Variants in ZFAT observed in about 807,000 individuals in gnomAD.
ZFAT encodes zinc finger and AT-hook domain containing.
ZFAT carries 64 observed loss-of-function variants against 117.7 expected under a neutral mutation model. That is an observed-to-expected ratio of 0.54 (90% CI 0.44 to 0.67). The LOEUF is 0.67. Ranked by LOEUF, ZFAT falls within the 30% of genes least tolerant of loss-of-function variation. The pLI is 0.00. For missense variants in ZFAT, 1,433 were observed against 1,584.5 expected, an observed-to-expected ratio of 0.90 and a Z score of 1.62; for synonymous variants, 679 against 615.0, an observed-to-expected ratio of 1.10 and a Z score of -1.54.
intron 10 of ZFAT, 22 bp from the exon 11 acceptor site, chr8:134,565,443 G>C (rs1195682739): frequency 6.2e-7 from 1 of 1,609,474 alleles, no homozygotes; most frequent in Non-Finnish European, 8.5e-7. Context: ...CGGAGGACAA[G>C]ATGAGCGTCG....
intron 3 of ZFAT, among the ~76,000 whole-genome samples, chr8:134,624,773 C>T (rs1563691367): frequency 1.3e-5 from 2 of 152,092 alleles, no homozygotes; most frequent in Non-Finnish European, 2.9e-5. Flanking sequence ...ACATGTAACT[C>T]GTAATTCAAA....
intron 1 of ZFAT, among the ~76,000 whole-genome samples, chr8:134,692,805 G>C (rs577421517): frequency 6.6e-6 from 1 of 152,212 alleles, no homozygotes; most frequent in Non-Finnish European, 1.5e-5. Context: ...TAGGTAGCAG[G>C]CTTCTTTTTC....
intron 15 of ZFAT, among the ~76,000 whole-genome samples, chr8:134,500,057 C>A (rs1818855602): frequency 6.6e-6 from 1 of 152,208 alleles, no homozygotes; most frequent in Admixed American, 6.5e-5. Flanking sequence ...CCGCAGCGCT[C>A]TCCTCCATAT....
chr8:134,565,446 G>A (rs760313985), intron 10 of ZFAT, 25 bp from the exon 11 acceptor site: 3 of 1,608,356 alleles, frequency 1.9e-6, no homozygotes, highest in Non-Finnish European at 2.5e-6. Flanking sequence ...AGGACAAGAT[G>A]AGCGTCGCCA....
intron 11 of ZFAT, among the ~76,000 whole-genome samples, chr8:134,538,790 C>G (rs113928546): frequency 0.15 from 19,652 of 130,018 alleles, 1,714 homozygotes; most frequent in Admixed American, 0.25. Context: ...AAGTGAGACC[C>G]TGTCACAAAA....
the ZFAT span, among the ~76,000 whole-genome samples, chr8:134,816,722 C>A: frequency 1.5e-4 from 23 of 152,206 alleles, no homozygotes; most frequent in African/African-American, 5.3e-4. Context: ...CGGTGGCTCA[C>A]GCCTGTAATC....
intron 4 of ZFAT, 61 bp from the exon 5 acceptor site, chr8:134,608,940 T>G: frequency 9.0e-6 from 14 of 1,549,534 alleles, no homozygotes; most frequent in Non-Finnish European, 1.2e-5. Context: ...ACTGACCCCA[T>G]CGCAGCAGAG....
the ZFAT span, chr8:134,765,268 A>G: frequency 1.3e-5 from 2 of 152,210 alleles, no homozygotes; most frequent in South Asian, 4.1e-4. Context: ...CTGAACCATC[A>G]TCTTGGCTTC....
At chr8:134,769,609 G>T in the ZFAT span, among the ~76,000 whole-genome samples, 2 of 152,098 alleles carry the variant, frequency 1.3e-5, no homozygotes, top group Non-Finnish European at 2.9e-5. Flanking sequence ...ACCATTCTAG[G>T]GTCTGGAGGA....
intron 1 of ZFAT, among the ~76,000 whole-genome samples, chr8:134,672,101 A>C (rs1292526051): frequency 2.0e-5 from 3 of 152,272 alleles, no homozygotes; most frequent in Admixed American, 6.5e-5. Context: ...AAGGAAATAA[A>C]AGAGGATACA....
At chr8:134,669,722 A>T (rs1400692902) in intron 1 of ZFAT, among the ~76,000 whole-genome samples, 1 of 152,242 alleles carries the variant, frequency 6.6e-6, no homozygotes, top group Non-Finnish European at 1.5e-5. Context: ...AGCTAACATC[A>T]TTATGACAGG....
the ZFAT span, among the ~76,000 whole-genome samples, chr8:134,787,826 TG>T: frequency 6.6e-6 from 1 of 152,268 alleles, no homozygotes; most frequent in Non-Finnish European, 1.5e-5. Context: ...CTTAAATGAT[TG>T]GAAAATTTCT....
At chr8:134,562,274 C>T (rs893669512) in intron 11 of ZFAT, among the ~76,000 whole-genome samples, 1 of 152,150 alleles carries the variant, frequency 6.6e-6, no homozygotes, top group African/African-American at 2.4e-5. Flanking sequence ...CTGCCAACAC[C>T]TTGATTTTAT....
Position 134,522,127 on chromosome 8 carries a change from C to T in ZFAT, c.3116-1126G>A, listed in dbSNP as rs372326006. ...CCTGTCTTTCTTTGACCACACTCTC[C>T]GCTAAGTCCTCCCAAGTGGAGGCTG... On this transcript the variant is annotated intron_variant, in intron 12 of 15. Coordinates refer to ENST00000377838, the MANE Select transcript of ZFAT (RefSeq NM_020863.4). Among the ~76,000 whole-genome samples, 33 of 152,358 alleles carry T rather than the reference C, an allele frequency of 2.2e-4. 1 individual carries two copies. The East Asian group carries it at 2.5e-3, about 12-fold the overall frequency.
chr8:134,722,480 G>A, the ZFAT span, among the ~76,000 whole-genome samples: 5 of 152,282 alleles, frequency 3.3e-5, no homozygotes, highest in Non-Finnish European at 5.9e-5. Flanking sequence ...CCAGGCCCTC[G>A]TGACTGGCAG....
chr8:134,522,936 T>A (rs1393175619), intron 12 of ZFAT, among the ~76,000 whole-genome samples: 1 of 152,200 alleles, frequency 6.6e-6, no homozygotes, highest in Non-Finnish European at 1.5e-5. Flanking sequence ...CAGACCTTCC[T>A]GTACTATACA....
chr8:134,801,046 A>G, the ZFAT span, among the ~76,000 whole-genome samples: 1 of 152,202 alleles, frequency 6.6e-6, no homozygotes, highest in Admixed American at 6.5e-5. Flanking sequence ...ACTTGCATTT[A>G]TAAGAACTTA....
the ZFAT span, among the ~76,000 whole-genome samples, chr8:134,745,353 T>C: frequency 6.6e-6 from 1 of 152,276 alleles, no homozygotes; most frequent in African/African-American, 2.4e-5. Flanking sequence ...GATTCTGCAA[T>C]GGTTAAGACA....
the ZFAT span, among the ~76,000 whole-genome samples, chr8:134,801,980 CTT>C: frequency 2.6e-5 from 4 of 152,152 alleles, no homozygotes; most frequent in Non-Finnish European, 5.9e-5. Context: ...GAATCAGAAA[CTT>C]TTTTTGCAGG....
Sources: gnomAD v4.1 joint callset for allele counts (sites outside exome capture counted in the v4.1 genomes callset) on GRCh38, gnomAD v4.1.1 for gene constraint, MANE v1.5 for transcripts, NCBI Gene and HGNC (gene_info 2026-07-23, HGNC 2026-07-21) for gene names.